Variants in KLHL25 observed in about 807,000 individuals in gnomAD.
The protein encoded by KLHL25 is kelch-like protein 25.
A neutral mutation model predicts 30.0 loss-of-function variants in KLHL25; 41 were observed. The ratio of observed to expected loss-of-function variants is 1.37; its 90% CI spans 1.07 to 1.78. The LOEUF is 1.78. KLHL25 is among the 40% of genes most tolerant of loss of function. The probability of loss-of-function intolerance (pLI) is 0.00; values close to 1 mark genes in which losing one functional copy is unlikely to be tolerated. For synonymous variants in KLHL25, 399 were observed against 355.3 expected (o/e 1.12, Z -1.38); for missense variants, 971 against 824.5 (o/e 1.18, Z -2.18).
At chr15:85,767,641 G>A (rs1429055156) in intron 2 of KLHL25, among the ~76,000 whole-genome samples, 2 of 152,208 alleles carry the variant, frequency 1.3e-5, no homozygotes, top group East Asian at 1.9e-4. Flanking sequence ...GGCCCCCTTT[G>A]TTGCACCTGG....
At chr15:85,794,086 G>C (rs2089835066) in intron 1 of KLHL25, among the ~76,000 whole-genome samples, 1 of 152,196 alleles carries the variant, frequency 6.6e-6, no homozygotes, top group African/African-American at 2.4e-5. Flanking sequence ...GTGTGTCTCG[G>C]AGCCAGGGCA....
chr15:85,791,253 T>C (rs1032348298), intron 1 of KLHL25, among the ~76,000 whole-genome samples: 1 of 149,352 alleles, frequency 6.7e-6, no homozygotes, highest in Admixed American at 6.7e-5. Context: ...CCCAGCACTT[T>C]AGGAGGCTGA....
chr15:85,766,570 G>A (rs577684850), intron 2 of KLHL25, among the ~76,000 whole-genome samples: 15 of 152,316 alleles, frequency 9.8e-5, no homozygotes, highest in African/African-American at 2.9e-4. Flanking sequence ...GATTAAACCA[G>A]CACCAGATGA....
chr15:85,787,224 A>G (rs1193530084), intron 1 of KLHL25, among the ~76,000 whole-genome samples: 2 of 149,466 alleles, frequency 1.3e-5, no homozygotes, highest in Non-Finnish European at 2.9e-5. Flanking sequence ...AGGCAGGTGG[A>G]TCACCTGAGG....
intron 2 of KLHL25, among the ~76,000 whole-genome samples, chr15:85,766,764 C>CCTG (rs1249987238): frequency 1.3e-5 from 2 of 152,188 alleles, no homozygotes; most frequent in South Asian, 2.1e-4. Flanking sequence ...TGCAGGAAGC[C>CCTG]CTGCTCCAAG....
chr15:85,779,821 T>C (rs1021168634), intron 1 of KLHL25, among the ~76,000 whole-genome samples: 36 of 152,354 alleles, frequency 2.4e-4, no homozygotes, highest in African/African-American at 8.4e-4. Flanking sequence ...GTAATGTCTG[T>C]GGAAACACAT....
chr15:85,794,623 C>T (rs920167993), intron 1 of KLHL25, 143 bp downstream of exon 1: 1 of 152,092 alleles, frequency 6.6e-6, no homozygotes, highest in Non-Finnish European at 1.5e-5. Context: ...AGCCGCGGGG[C>T]CCCCTCCCGG....
intron 1 of KLHL25, among the ~76,000 whole-genome samples, chr15:85,791,705 G>A (rs997583094): frequency 2.6e-4 from 40 of 152,128 alleles, no homozygotes; most frequent in African/African-American, 9.7e-4. Flanking sequence ...TCTGCACCCA[G>A]GGAACAAAAA....
intron 1 of KLHL25, among the ~76,000 whole-genome samples, chr15:85,787,639 T>G (rs2089789100): frequency 6.6e-6 from 1 of 152,180 alleles, no homozygotes; most frequent in South Asian, 2.1e-4. Flanking sequence ...AAATGAGGCA[T>G]TACCTAAAGT....
In KLHL25 at chr15:85,783,300, G is replaced by C. The variant is rs1327513282; in HGVS notation, c.-11+11466C>G. 2.0e-5 allele frequency among the ~76,000 whole-genome samples: 3 copies of C among 151,862 alleles called. No homozygotes were observed. In the East Asian group the frequency reaches 5.9e-4, roughly 30 times the overall value. On this transcript the variant is annotated intron_variant, in intron 1 of 2. Coordinates refer to ENST00000337975, the MANE Select transcript of KLHL25 (RefSeq NM_022480.4). ...GTAGAGATGAGGTTTTGCCATGTTGGCCAGGCTGGTCTCGAACTCCTGACC... is the reference window on the plus strand; with the variant it reads ...GTAGAGATGAGGTTTTGCCATGTTGCCCAGGCTGGTCTCGAACTCCTGACC...
Position 85,759,505 on chromosome 15 carries a change from G to A in KLHL25, c.*1531C>T, listed in dbSNP as rs1300973548. 1 of 152,386 alleles carries A rather than the reference G, an allele frequency of 6.6e-6. No homozygotes were observed. The highest frequency in any genetic ancestry group is 2.4e-5 in the African/African-American group (1 of 41,464). 9.4% of individuals were successfully genotyped at this position (152,386 alleles called of 1,614,324 possible). A position where few individuals can be genotyped will look rare whatever the true frequency, so the allele number is the denominator to read the frequency against. On this transcript the variant is annotated 3_prime_UTR_variant, in exon 3 of 3. Transcript: ENST00000337975. ...GGCCAGGCTCCTGAGTGTGCCAGCA[G>A]AGCCGTCCCCTGGGACCACAGCCAA... is the stretch of plus-strand genomic sequence containing the variant.
intron 1 of KLHL25, among the ~76,000 whole-genome samples, chr15:85,776,227 G>A (rs2089708440): frequency 1.3e-5 from 2 of 148,324 alleles, no homozygotes; most frequent in African/African-American, 2.5e-5. Flanking sequence ...AGTGGTTCAC[G>A]CCTGTAATCC....
At chr15:85,777,317 C>T (rs1353436364) in intron 1 of KLHL25, among the ~76,000 whole-genome samples, 4 of 152,234 alleles carry the variant, frequency 2.6e-5, no homozygotes, top group East Asian at 1.9e-4. Context: ...TACAGTGAGA[C>T]CACCTGGCTT....
At position 85,768,352 on chromosome 15, in the gene KLHL25, C is replaced by T. The variant is rs201376408; in HGVS notation, c.1459G>A (p.Ala487Thr). The change falls in exon 2 of 3, where the codon GCT becomes ACT. Residue 487 changes from alanine to threonine, a missense_variant. Coordinates refer to ENST00000337975, the MANE Select transcript of KLHL25 (RefSeq NM_022480.4). ...ECPQPWRYTAAAVLGSQIFIM... is the reference protein window; with the variant it reads ...ECPQPWRYTATAVLGSQIFIM... ...AAGATCTGGCTGCCCAGGACGGCAG[C>T]GGCTGTGTACCGCCAAGGCTGGGGG... The T allele has an allele frequency of 3.8e-5, 62 of 1,613,738 alleles. No homozygotes were observed. The highest frequency in any genetic ancestry group is 6.7e-5 in the East Asian group (3 of 44,874).
At chr15:85,762,882 G>C (rs983094885) in intron 2 of KLHL25, 5 of 152,306 alleles carry the variant, frequency 3.3e-5, no homozygotes, top group African/African-American at 1.2e-4. Flanking sequence ...AGCAGTGACG[G>C]AGCCCACAGT....
At chr15:85,771,116 A>C in intron 1 of KLHL25, 1 of 188,062 alleles carries the variant, frequency 5.3e-6, no homozygotes, top group Non-Finnish European at 1.2e-5. Context: ...CAAGACCCTC[A>C]CCAGAGTCTC....
chr15:85,781,796 T>G (rs2089744925), intron 1 of KLHL25, among the ~76,000 whole-genome samples: 1 of 152,176 alleles, frequency 6.6e-6, no homozygotes, highest in Non-Finnish European at 1.5e-5. Flanking sequence ...AAGATTTTTC[T>G]TATCTTCCAC....
intron 1 of KLHL25, among the ~76,000 whole-genome samples, chr15:85,772,919 T>C (rs776086798): frequency 1.2e-4 from 19 of 152,262 alleles, no homozygotes; most frequent in Non-Finnish European, 2.4e-4. Flanking sequence ...GGGGCACCTC[T>C]GTGCCAAGGG....
intron 1 of KLHL25, among the ~76,000 whole-genome samples, chr15:85,777,748 C>T (rs2089718852): frequency 6.6e-6 from 1 of 152,144 alleles, no homozygotes; most frequent in South Asian, 2.1e-4. Flanking sequence ...CACGCTGGGC[C>T]CTACCCAGTT....
Sources: allele counts gnomAD v4.1 joint callset (sites outside exome capture counted in the v4.1 genomes callset), GRCh38; gene constraint gnomAD v4.1.1; transcripts MANE v1.5; gene names NCBI Gene and HGNC (gene_info 2026-07-23, HGNC 2026-07-21).